The following HDAC9 variants were observed in gnomAD, a reference collection of about 807,000 sequenced individuals.
HDAC9 encodes the protein MEF-2 interacting transcription repressor (MITR) protein.
In HDAC9, 41 loss-of-function variants were observed where a neutral mutation model predicts 139.4. The observed-to-expected ratio is 0.29, with a 90% CI of 0.23 to 0.38. The LOEUF (loss-of-function observed/expected upper bound fraction) is 0.38. Among genes scored for constraint, HDAC9 ranks in the 10% least tolerant of loss-of-function variants. The pLI is 1.00. For missense variants in HDAC9, 1,147 were observed against 1,297.0 expected (o/e 0.88, Z 1.78); for synonymous variants, 517 against 476.2 (o/e 1.09, Z -1.12).
intron 1 of HDAC9, among the ~76,000 whole-genome samples, chr7:18,161,957 T>A (rs1036436812): frequency 6.6e-6 from 1 of 152,208 alleles, no homozygotes; most frequent in Non-Finnish European, 1.5e-5. Flanking sequence ...AAGCTAATTA[T>A]AATTATGTGA....
At chr7:18,797,075 TC>T (rs1792865681) in intron 17 of HDAC9, among the ~76,000 whole-genome samples, 1 of 152,200 alleles carries the variant, frequency 6.6e-6, no homozygotes, top group Non-Finnish European at 1.5e-5. Flanking sequence ...TTGAGTGCCT[TC>T]TATAGGCAGC....
At chr7:18,831,892 A>G (rs1795882991) in intron 19 of HDAC9, among the ~76,000 whole-genome samples, 1 of 152,186 alleles carries the variant, frequency 6.6e-6, no homozygotes, top group African/African-American at 2.4e-5. Flanking sequence ...GCGCCAATAG[A>G]TGGCAAAGGT....
intron 16 of HDAC9, 152 bp from the exon 17 acceptor site, chr7:18,793,193 A>G (rs1285920169): frequency 2.0e-5 from 13 of 640,702 alleles, no homozygotes; most frequent in Non-Finnish European, 2.8e-5. Flanking sequence ...GTTATTGTAC[A>G]TAGGCTGTTA....
intron 6 of HDAC9, among the ~76,000 whole-genome samples, chr7:18,615,308 A>C (rs1195703398): frequency 1.3e-5 from 2 of 152,182 alleles, no homozygotes. Context: ...ATTCTTAGAA[A>C]TAGGCCTATC....
intron 13 of HDAC9, among the ~76,000 whole-genome samples, chr7:18,730,782 G>A (rs1481611881): frequency 6.6e-6 from 1 of 152,128 alleles, no homozygotes; most frequent in South Asian, 2.1e-4. Context: ...GTAGAGCTTA[G>A]CAACTTTAGC....
intron 13 of HDAC9, among the ~76,000 whole-genome samples, chr7:18,735,611 A>AGTTGTTTG (rs1330163990): frequency 6.6e-6 from 1 of 152,184 alleles, no homozygotes; most frequent in African/African-American, 2.4e-5. Flanking sequence ...TTTTGGTACC[A>AGTTGTTTG]GTACCATGCT....
intron 22 of HDAC9, among the ~76,000 whole-genome samples, chr7:18,897,811 G>A (rs1801345700): frequency 6.8e-6 from 1 of 146,312 alleles, no homozygotes; most frequent in African/African-American, 2.6e-5. Flanking sequence ...TTAAAATATG[G>A]TTACTTAAAA....
At chr7:18,711,943 T>C (rs1784375663) in intron 12 of HDAC9, among the ~76,000 whole-genome samples, 1 of 151,890 alleles carries the variant, frequency 6.6e-6, no homozygotes, top group South Asian at 2.1e-4. Context: ...TTTTTTTTTT[T>C]TTTTCCTTCG....
chr7:18,575,943 G>C (rs1303595787), intron 2 of HDAC9, among the ~76,000 whole-genome samples: 2 of 152,292 alleles, frequency 1.3e-5, no homozygotes, highest in African/African-American at 4.8e-5. Context: ...ATTTGGAATA[G>C]TGGTAAAGAT....
In HDAC9 at chr7:18,629,339, T is replaced by C; in HGVS notation, c.665-11T>C. On this transcript the variant is annotated splice_polypyrimidine_tract_variant and intron_variant, in intron 6 of 25. Transcript: ENST00000686413. ...TTTTATCTATTTTTTTTTTTTTGTC[T>C]CAATCCCCAGCCTCTGAGCCCAACT... 1 of 1,536,932 alleles carries C rather than the reference T, an allele frequency of 6.5e-7. No homozygotes were observed. The highest frequency in any genetic ancestry group is 8.7e-7 in the Non-Finnish European group (1 of 1,143,298).
chr7:18,991,182 T>A (rs1488918986), intron 25 of HDAC9, among the ~76,000 whole-genome samples: 1 of 152,200 alleles, frequency 6.6e-6, no homozygotes, highest in Admixed American at 6.5e-5. Flanking sequence ...CAAAAAGTAT[T>A]TATGGGATGT....
intron 1 of HDAC9, among the ~76,000 whole-genome samples, chr7:18,369,594 T>A (rs1186751390): frequency 6.6e-6 from 1 of 152,076 alleles, no homozygotes; most frequent in Non-Finnish European, 1.5e-5. Flanking sequence ...TAATGACTCC[T>A]TTAGTGGAAT....
In HDAC9 at chr7:19,002,406, T is replaced by A. The variant is rs1786790709; in HGVS notation, c.*6344T>A. 1 of 152,072 alleles carries A rather than the reference T, an allele frequency of 6.6e-6. No homozygotes were observed. Among genetic ancestry groups the A allele is most frequent in the Non-Finnish European group, 1.5e-5 (1 of 67,952 alleles). 9.4% of individuals were successfully genotyped at this position (152,072 alleles called of 1,614,324 possible). A position where few individuals can be genotyped will look rare whatever the true frequency, so the allele number is the denominator to read the frequency against. On this transcript the variant is annotated 3_prime_UTR_variant, in exon 26 of 26. Coordinates refer to ENST00000686413, the MANE Select transcript of HDAC9 (RefSeq NM_178425.4). Reference sequence around the variant, plus strand: ...TAGTCCTATGTGAATAAAAAGCTATTTGAAATAAAAGTGTTCTTATTTTTC... The same window carrying A: ...TAGTCCTATGTGAATAAAAAGCTATATGAAATAAAAGTGTTCTTATTTTTC...
chr7:18,874,737 C>T (rs1018978991), intron 22 of HDAC9, 141 bp downstream of exon 22: 7 of 592,332 alleles, frequency 1.2e-5, no homozygotes, highest in Middle Eastern at 4.4e-4. Flanking sequence ...GTTTATTGCT[C>T]TGTCGGATTC....
At chr7:18,724,954 G>A (rs1002719747) in intron 12 of HDAC9, among the ~76,000 whole-genome samples, 2 of 152,146 alleles carry the variant, frequency 1.3e-5, no homozygotes, top group Non-Finnish European at 2.9e-5. Context: ...CGCAATTAAT[G>A]TGTGTTCAAA....
intron 1 of HDAC9, among the ~76,000 whole-genome samples, chr7:18,435,279 A>C (rs1791082535): frequency 6.6e-6 from 1 of 151,996 alleles, no homozygotes; most frequent in African/African-American, 2.4e-5. Flanking sequence ...TGGGAGAGTG[A>C]GGATTGAAAA....
At chr7:18,576,698 A>G (rs969475193) in intron 2 of HDAC9, among the ~76,000 whole-genome samples, 1 of 151,722 alleles carries the variant, frequency 6.6e-6, no homozygotes, top group African/African-American at 2.4e-5. Context: ...GATAATTTCT[A>G]TCAATTAGAT....
chr7:18,934,836 C>T (rs902110378), intron 22 of HDAC9, among the ~76,000 whole-genome samples: 1 of 151,966 alleles, frequency 6.6e-6, no homozygotes, highest in African/African-American at 2.4e-5. Context: ...CCAGAAGACC[C>T]GTGTAAGAAT....
intron 12 of HDAC9, among the ~76,000 whole-genome samples, chr7:18,676,532 G>C (rs959019661): frequency 3.3e-5 from 5 of 151,878 alleles, no homozygotes; most frequent in Non-Finnish European, 5.9e-5. Context: ...TAGCATCTTA[G>C]ATATATTTTG....
Sources: gnomAD v4.1 joint callset for allele counts (sites outside exome capture counted in the v4.1 genomes callset) on GRCh38, gnomAD v4.1.1 for gene constraint, MANE v1.5 for transcripts, NCBI Gene and HGNC (gene_info 2026-07-23, HGNC 2026-07-21) for gene names.